TENM2: variants seen among roughly 807,000 people sequenced by gnomAD.
The protein encoded by TENM2 is teneurin transmembrane protein 2, also known as teneurin-2.
TENM2 carries 52 observed loss-of-function variants against 245.2 expected under a neutral mutation model. The ratio of observed to expected loss-of-function variants is 0.21; its 90% CI spans 0.17 to 0.27. The LOEUF is 0.27. Ranked by LOEUF, TENM2 falls within the 10% of genes least tolerant of loss-of-function variation. The probability of loss-of-function intolerance (pLI) is 1.00; values close to 1 mark genes in which losing one functional copy is unlikely to be tolerated. For missense variants in TENM2, 3,046 were observed against 3,666.8 expected (o/e 0.83, Z 4.37); for synonymous variants, 1,363 against 1,438.9 (o/e 0.95, Z 1.19).
At chr5:168,201,175 T>C (rs1195161462) in intron 17 of TENM2, among the ~76,000 whole-genome samples, 1 of 152,110 alleles carries the variant, frequency 6.6e-6, no homozygotes, top group Non-Finnish European at 1.5e-5. Context: ...CCTGGGGGTC[T>C]GCTCCATCAG....
chr5:167,438,721 C>T (rs1433396691), intron 2 of TENM2, among the ~76,000 whole-genome samples: 2 of 151,242 alleles, frequency 1.3e-5, no homozygotes, highest in South Asian at 2.1e-4. Flanking sequence ...TAATGGTGTC[C>T]GTGCAAAGTG....
intron 2 of TENM2, among the ~76,000 whole-genome samples, chr5:167,762,555 G>A (rs879706380): frequency 1.3e-5 from 2 of 152,184 alleles, no homozygotes; most frequent in Non-Finnish European, 2.9e-5. Flanking sequence ...GTTGGCAATG[G>A]TGAGGTTAGG....
the TENM2 span, among the ~76,000 whole-genome samples, chr5:167,073,493 A>G: frequency 2.0e-5 from 3 of 152,120 alleles, no homozygotes; most frequent in African/African-American, 7.2e-5. Flanking sequence ...TCTTTTTCTT[A>G]TGGACAAAAG....
At chr5:167,578,742 GTTACTT>G (rs1160372027) in intron 2 of TENM2, among the ~76,000 whole-genome samples, 1 of 152,112 alleles carries the variant, frequency 6.6e-6, no homozygotes, top group Admixed American at 6.5e-5. Flanking sequence ...TGTGTTGTCA[GTTACTT>G]TCTATAAACC....
At chr5:167,226,115 T>G in the TENM2 span, among the ~76,000 whole-genome samples, 1 of 151,980 alleles carries the variant, frequency 6.6e-6, no homozygotes, top group Admixed American at 6.6e-5. Flanking sequence ...TTTTCACTTT[T>G]TTGATCATTT....
intron 2 of TENM2, among the ~76,000 whole-genome samples, chr5:167,872,897 A>G (rs894611036): frequency 6.6e-6 from 1 of 152,256 alleles, no homozygotes; most frequent in South Asian, 2.1e-4. Context: ...CACAGCAACT[A>G]TCATATCAGG....
chr5:167,781,394 A>G (rs1029678792), intron 2 of TENM2, among the ~76,000 whole-genome samples: 3 of 152,256 alleles, frequency 2.0e-5, no homozygotes, highest in Admixed American at 1.3e-4. Context: ...CAAAGAAAAA[A>G]TATTAAGTAA....
rs562421975 is a variant in TENM2, at chr5:168,134,441, T to C, written c.2422+7475T>C. On this transcript the variant is annotated intron_variant, in intron 12 of 28. Transcript: ENST00000518659. Reference sequence around the variant, plus strand: ...TGGCTCATGCCTGTAATCCCAGCACTTTGGGAGGCCGAGGCGGGTGGATCG... The same window carrying C: ...TGGCTCATGCCTGTAATCCCAGCACCTTGGGAGGCCGAGGCGGGTGGATCG... 1.9e-3 allele frequency among the ~76,000 whole-genome samples: 288 copies of C among 152,144 alleles called. 3 individuals are homozygous for C. Among genetic ancestry groups the C allele is most frequent in the Non-Finnish European group, 7.6e-4 (52 of 67,992 alleles).
intron 2 of TENM2, among the ~76,000 whole-genome samples, chr5:167,821,880 T>C (rs1412970324): frequency 2.6e-5 from 4 of 152,104 alleles, no homozygotes; most frequent in South Asian, 2.1e-4. Context: ...ACCAGAACTT[T>C]CATTCAGTAG....
At chr5:168,150,126 C>T (rs995380156) in intron 12 of TENM2, among the ~76,000 whole-genome samples, 4 of 152,134 alleles carry the variant, frequency 2.6e-5, no homozygotes, top group African/African-American at 9.7e-5. Flanking sequence ...TTGTAGGTCT[C>T]CTCACTGTAG....
chr5:167,256,677 T>C, the TENM2 span, among the ~76,000 whole-genome samples: 1 of 152,116 alleles, frequency 6.6e-6, no homozygotes, highest in African/African-American at 2.4e-5. Flanking sequence ...GATCTTTTGT[T>C]TGGCTGTTAA....
At chr5:167,686,232 A>G (rs953623711) in intron 2 of TENM2, among the ~76,000 whole-genome samples, 2 of 152,224 alleles carry the variant, frequency 1.3e-5, no homozygotes, top group East Asian at 3.8e-4. Flanking sequence ...GCTTAAAGCA[A>G]TGCAGATTCA....
At chr5:167,420,507 T>G (rs1305826038) in intron 2 of TENM2, among the ~76,000 whole-genome samples, 1 of 152,170 alleles carries the variant, frequency 6.6e-6, no homozygotes, top group Admixed American at 6.5e-5. Context: ...CTCACTCACT[T>G]CCAGCCATGC....
chr5:167,818,956 C>A (rs1767284717), intron 2 of TENM2, among the ~76,000 whole-genome samples: 1 of 152,122 alleles, frequency 6.6e-6, no homozygotes, highest in Admixed American at 6.6e-5. Context: ...AGGGAACCAA[C>A]ACACTCACGT....
In TENM2 at chr5:167,660,761, A is replaced by T. The variant is rs374868586; in HGVS notation, c.503-215225A>T. Among the ~76,000 whole-genome samples the T allele has an allele frequency of 2.9e-4, 44 of 152,268 alleles. 1 individual carries two copies. In the East Asian group the frequency reaches 6.4e-3, roughly 22 times the overall value. On this transcript the variant is annotated intron_variant, in intron 2 of 28. Transcript: ENST00000518659. ...AGTTCTGACCTAAGTAGTAACTAGT[A>T]TCTAAAGGAAAGTACATTCTCCTGT...
chr5:167,440,813 A>G (rs1264645762), intron 2 of TENM2, among the ~76,000 whole-genome samples: 1 of 151,464 alleles, frequency 6.6e-6, no homozygotes, highest in African/African-American at 2.4e-5. Context: ...TTGTGCATCT[A>G]CAGTGTGCTT....
chr5:168,258,498 C>G (rs927258126), intron 27 of TENM2, among the ~76,000 whole-genome samples: 1 of 151,622 alleles, frequency 6.6e-6, no homozygotes, highest in Non-Finnish European at 1.5e-5. Flanking sequence ...AAGGCTCAGT[C>G]TCAAAAAAAA....
chr5:166,980,605 T>C, the TENM2 span, among the ~76,000 whole-genome samples: 9 of 152,162 alleles, frequency 5.9e-5, no homozygotes, highest in Non-Finnish European at 1.0e-4. Flanking sequence ...TCAGTTCCAG[T>C]TGAGTAGAAA....
the TENM2 span, among the ~76,000 whole-genome samples, chr5:167,126,857 A>G: frequency 6.6e-6 from 1 of 152,212 alleles, no homozygotes; most frequent in South Asian, 2.1e-4. Context: ...GTGAGTTTAT[A>G]AGATCAACTT....
Sources: gnomAD v4.1 joint callset for allele counts (sites outside exome capture counted in the v4.1 genomes callset) on GRCh38, gnomAD v4.1.1 for gene constraint, MANE v1.5 for transcripts, NCBI Gene and HGNC (gene_info 2026-07-23, HGNC 2026-07-21) for gene names.